Variants in STIM1 observed in about 807,000 individuals in gnomAD.
STIM1 encodes stromal interaction molecule 1.
STIM1 carries 25 observed loss-of-function variants against 74.7 expected under a neutral mutation model. That is an observed-to-expected ratio of 0.33 (90% CI 0.24 to 0.47). The LOEUF (loss-of-function observed/expected upper bound fraction) is 0.47, where lower values mean the gene tolerates loss of function less well. STIM1 is among the 20% of genes least tolerant of loss of function. STIM1 has a pLI of 1.00. For missense variants in STIM1, 728 were observed against 920.8 expected (o/e 0.79, Z 2.71); for synonymous variants, 328 against 348.8 (o/e 0.94, Z 0.66).
intron 3 of STIM1, among the ~76,000 whole-genome samples, chr11:4,041,269 C>T (rs937106872): frequency 4.6e-5 from 7 of 152,116 alleles, no homozygotes; most frequent in African/African-American, 1.7e-4. Flanking sequence ...TTGTATATTC[C>T]CCTCTCTAGA....
intron 1 of STIM1, among the ~76,000 whole-genome samples, chr11:3,871,524 G>A (rs144448696): frequency 7.2e-5 from 11 of 152,276 alleles, no homozygotes; most frequent in African/African-American, 2.6e-4. Flanking sequence ...TAGCTGTTTT[G>A]TCCAATATCT....
chr11:4,006,497 TTC>T (rs1196250728), intron 2 of STIM1, among the ~76,000 whole-genome samples: 23 of 152,272 alleles, frequency 1.5e-4, no homozygotes, highest in Non-Finnish European at 2.9e-4. Flanking sequence ...TCCCTGCAAC[TTC>T]TGTTTCCTGG....
intron 1 of STIM1, among the ~76,000 whole-genome samples, chr11:3,902,527 G>T (rs888074435): frequency 1.3e-5 from 2 of 152,132 alleles, no homozygotes; most frequent in Non-Finnish European, 2.9e-5. Flanking sequence ...TAGATTCCTC[G>T]CATGTGCAGT....
chr11:4,000,106 C>T (rs2093699649), intron 2 of STIM1, among the ~76,000 whole-genome samples: 1 of 152,062 alleles, frequency 6.6e-6, no homozygotes, highest in Non-Finnish European at 1.5e-5. Flanking sequence ...TGGAGCCCAC[C>T]ACGGCTCAAG....
At chr11:3,977,205 A>G (rs1000336968) in intron 2 of STIM1, among the ~76,000 whole-genome samples, 5 of 151,778 alleles carry the variant, frequency 3.3e-5, no homozygotes, top group Non-Finnish European at 5.9e-5. Context: ...AAAGTCTGTT[A>G]TAGAATATGT....
At chr11:4,025,437 A>G (rs772266148) in intron 3 of STIM1, among the ~76,000 whole-genome samples, 4 of 152,212 alleles carry the variant, frequency 2.6e-5, no homozygotes, top group African/African-American at 2.4e-5. Flanking sequence ...TTTCTTTAAT[A>G]GCTCTCGAGC....
intron 1 of STIM1, among the ~76,000 whole-genome samples, chr11:3,887,142 T>C (rs571570027): frequency 5.9e-5 from 9 of 152,108 alleles, no homozygotes; most frequent in Admixed American, 1.3e-4. Flanking sequence ...GGCTGTGAGT[T>C]TGGTAATAAG....
At chr11:4,045,754 C>G (rs2094186389) in intron 3 of STIM1, among the ~76,000 whole-genome samples, 1 of 144,080 alleles carries the variant, frequency 6.9e-6, no homozygotes, top group Non-Finnish European at 1.5e-5. Context: ...GTCCATCCCT[C>G]AACACTTCTT....
intron 7 of STIM1, among the ~76,000 whole-genome samples, chr11:4,076,636 C>T (rs1422864749): frequency 6.7e-6 from 1 of 149,218 alleles, no homozygotes; most frequent in East Asian, 2.0e-4. Flanking sequence ...GATATTATTT[C>T]AAATTAACTT....
chr11:3,907,539 G>C (rs898157525), intron 1 of STIM1, among the ~76,000 whole-genome samples: 2 of 152,134 alleles, frequency 1.3e-5, no homozygotes, highest in Admixed American at 6.5e-5. Flanking sequence ...ATCGTCTCTT[G>C]CCTGGTGAGA....
intron 3 of STIM1, among the ~76,000 whole-genome samples, chr11:4,026,466 A>G (rs189641052): frequency 2.0e-5 from 3 of 152,374 alleles, no homozygotes; most frequent in Admixed American, 2.0e-4. Context: ...CATATGAAGT[A>G]TAGATATTAT....
chr11:4,010,652 G>GT (rs1426540962), intron 2 of STIM1, among the ~76,000 whole-genome samples: 4 of 151,880 alleles, frequency 2.6e-5, no homozygotes, highest in Non-Finnish European at 4.4e-5. Context: ...GAGAGGCAAA[G>GT]TAGCTTGCCC....
chr11:3,901,666 G>T (rs767346158), intron 1 of STIM1, among the ~76,000 whole-genome samples: 1 of 152,242 alleles, frequency 6.6e-6, no homozygotes, highest in Non-Finnish European at 1.5e-5. Flanking sequence ...GAAAGGTATA[G>T]ATCTTGGTTA....
chr11:3,882,065 A>G (rs939251801), intron 1 of STIM1, among the ~76,000 whole-genome samples: 9 of 127,112 alleles, frequency 7.1e-5, no homozygotes, highest in Non-Finnish European at 3.3e-5. Flanking sequence ...GTTCATCTAT[A>G]TTGTAGCATG....
intron 1 of STIM1, among the ~76,000 whole-genome samples, chr11:3,922,895 C>T (rs1244733076): frequency 2.0e-5 from 3 of 151,682 alleles, no homozygotes; most frequent in East Asian, 1.9e-4. Context: ...GTCAGGAGAT[C>T]GAGACCATCC....
intron 2 of STIM1, among the ~76,000 whole-genome samples, chr11:3,985,189 G>A (rs1306287194): frequency 1.3e-5 from 2 of 152,176 alleles, no homozygotes; most frequent in Non-Finnish European, 2.9e-5. Context: ...CACTAAGCAG[G>A]CTGTTGTTTT....
chr11:4,086,464 A>T lies in STIM1; in HGVS notation c.1568-13A>T. 1.2e-6 allele frequency: 2 copies of T among 1,613,274 alleles called. No individual in the cohort carries two copies. Among genetic ancestry groups the T allele is most frequent in the Non-Finnish European group, 1.7e-6 (2 of 1,179,764 alleles). On this transcript the variant is annotated splice_polypyrimidine_tract_variant and intron_variant, in intron 11 of 12. Transcript: ENST00000526596. ...GCTGGCCCCTCCTGACACTTTCTTT[A>T]TTCTCCTTGCAGCCCCTAGCCTGCA...
intron 1 of STIM1, among the ~76,000 whole-genome samples, chr11:3,964,486 C>A (rs999814963): frequency 2.0e-4 from 31 of 152,164 alleles, no homozygotes; most frequent in African/African-American, 7.5e-4. Flanking sequence ...ACCTGTCTGT[C>A]TGATTAGGTT....
chr11:4,071,884 G>A (rs777477924), intron 6 of STIM1, among the ~76,000 whole-genome samples: 24 of 152,168 alleles, frequency 1.6e-4, no homozygotes, highest in Non-Finnish European at 3.2e-4. Flanking sequence ...CCTCTACTGA[G>A]GTAGCAGACT....
Sources: allele counts gnomAD v4.1 joint callset (sites outside exome capture counted in the v4.1 genomes callset), GRCh38; gene constraint gnomAD v4.1.1; transcripts MANE v1.5; gene names NCBI Gene and HGNC (gene_info 2026-07-23, HGNC 2026-07-21).